MSRA: variants seen among roughly 807,000 people sequenced by gnomAD.
The protein encoded by MSRA is mitochondrial peptide methionine sulfoxide reductase.
Under a neutral mutation model 31.3 loss-of-function variants are expected in MSRA, and 54 were observed. The observed-to-expected ratio is 1.73, with a 90% CI of 1.39 to 2.17. The LOEUF (loss-of-function observed/expected upper bound fraction) is 2.17, where lower values mean the gene tolerates loss of function less well. Among genes scored for constraint, MSRA ranks in the 30% most tolerant of loss-of-function variants. The pLI is 0.00. For missense variants in MSRA, 507 were observed against 300.9 expected, an observed-to-expected ratio of 1.69 and a Z score of -5.07; for synonymous variants, 169 against 116.5, an observed-to-expected ratio of 1.45 and a Z score of -2.90.
intron 3 of MSRA, among the ~76,000 whole-genome samples, chr8:10,271,230 T>G (rs1235752747): frequency 6.6e-6 from 1 of 152,152 alleles, no homozygotes; most frequent in Non-Finnish European, 1.5e-5. Flanking sequence ...AGCATCCAGT[T>G]TACAGGAAGC....
At chr8:10,332,170 C>T (rs575420402) in intron 5 of MSRA, among the ~76,000 whole-genome samples, 1 of 152,300 alleles carries the variant, frequency 6.6e-6, no homozygotes, top group South Asian at 2.1e-4. Context: ...CATCCCTTCT[C>T]GGTCTGTTGT....
intron 5 of MSRA, among the ~76,000 whole-genome samples, chr8:10,359,211 C>A (rs1380123335): frequency 6.6e-6 from 1 of 152,198 alleles, no homozygotes; most frequent in Non-Finnish European, 1.5e-5. Flanking sequence ...GCAGACTCCT[C>A]TTCTCCATTG....
chr8:10,228,801 G>A (rs1329992232), intron 2 of MSRA, among the ~76,000 whole-genome samples: 1 of 152,100 alleles, frequency 6.6e-6, no homozygotes, highest in Non-Finnish European at 1.5e-5. Context: ...GGTTATCACC[G>A]GATTCCACAT....
intron 2 of MSRA, among the ~76,000 whole-genome samples, chr8:10,212,640 T>A (rs1410521074): frequency 6.6e-6 from 1 of 152,200 alleles, no homozygotes; most frequent in Non-Finnish European, 1.5e-5. Context: ...GTGAGGGAAT[T>A]GATCTGATTT....
intron 5 of MSRA, among the ~76,000 whole-genome samples, chr8:10,424,067 C>A (rs1408626690): frequency 6.6e-6 from 1 of 152,188 alleles, no homozygotes; most frequent in Non-Finnish European, 1.5e-5. Flanking sequence ...CGATGCCACG[C>A]GAACATAGTA....
chr8:10,426,447 GAGA>G (rs1232560101), intron 5 of MSRA, among the ~76,000 whole-genome samples: 1 of 152,240 alleles, frequency 6.6e-6, no homozygotes, highest in Non-Finnish European at 1.5e-5. Flanking sequence ...GGACTCTCTG[GAGA>G]GGGCCAGGAG....
At chr8:10,322,220 T>A (rs1802082193) in intron 5 of MSRA, among the ~76,000 whole-genome samples, 1 of 119,970 alleles carries the variant, frequency 8.3e-6, no homozygotes, top group South Asian at 3.4e-4. Context: ...GGAGACCCCA[T>A]TATCCCCATT....
intron 1 of MSRA, among the ~76,000 whole-genome samples, chr8:10,149,769 A>G (rs944658398): frequency 1.6e-5 from 1 of 63,358 alleles, no homozygotes; most frequent in Non-Finnish European, 3.7e-5. Flanking sequence ...CAGTTGGCAG[A>G]AACCACAAAG....
chr8:10,416,625 C>T (rs573135023), intron 5 of MSRA, among the ~76,000 whole-genome samples: 16 of 152,326 alleles, frequency 1.1e-4, no homozygotes, highest in African/African-American at 3.1e-4. Context: ...AAGCAGGTCC[C>T]GTGGGTGACC....
chr8:10,392,476 G>T (rs911464059), intron 5 of MSRA, among the ~76,000 whole-genome samples: 3 of 152,054 alleles, frequency 2.0e-5, no homozygotes, highest in African/African-American at 7.2e-5. Flanking sequence ...CCTCCAACCT[G>T]CTCCTGCCCA....
intron 5 of MSRA, among the ~76,000 whole-genome samples, chr8:10,339,456 T>A (rs1803268191): frequency 6.6e-6 from 1 of 151,818 alleles, no homozygotes; most frequent in Admixed American, 6.6e-5. Context: ...ATGAATTCAG[T>A]GTCTGTCCTG....
intron 5 of MSRA, among the ~76,000 whole-genome samples, chr8:10,360,464 A>T (rs1453241225): frequency 6.6e-6 from 1 of 152,168 alleles, no homozygotes; most frequent in Non-Finnish European, 1.5e-5. Context: ...CATTTAGTGC[A>T]TCTGTGTGAT....
At chr8:10,377,153 G>A (rs973716744) in intron 5 of MSRA, among the ~76,000 whole-genome samples, 3 of 152,258 alleles carry the variant, frequency 2.0e-5, no homozygotes, top group Admixed American at 1.3e-4. Context: ...TAATGATCGC[G>A]AGTTTTTCTT....
At chr8:10,349,675 G>A (rs941044910) in intron 5 of MSRA, among the ~76,000 whole-genome samples, 2 of 152,160 alleles carry the variant, frequency 1.3e-5, no homozygotes, top group African/African-American at 2.4e-5. Flanking sequence ...TGCCTAGTAC[G>A]GGGCCTGGCG....
At chr8:10,353,620 C>G (rs754933908) in intron 5 of MSRA, 1 of 456,156 alleles carries the variant, frequency 2.2e-6, no homozygotes. Flanking sequence ...CTTTAGGTAC[C>G]CAAGCATGTT....
intron 1 of MSRA, among the ~76,000 whole-genome samples, chr8:10,106,147 G>A (rs1420415415): frequency 1.3e-5 from 2 of 152,190 alleles, no homozygotes; most frequent in Non-Finnish European, 2.9e-5. Context: ...TAACAGCTGA[G>A]GGAAGAGTGG....
At chr8:10,082,605 A>C (rs1236477052) in intron 1 of MSRA, among the ~76,000 whole-genome samples, 1 of 152,116 alleles carries the variant, frequency 6.6e-6, no homozygotes, top group Non-Finnish European at 1.5e-5. Flanking sequence ...CAAAGATGGG[A>C]CTTTTTGAAC....
intron 3 of MSRA, among the ~76,000 whole-genome samples, chr8:10,287,835 C>T (rs36011439): frequency 3.9e-5 from 6 of 152,220 alleles, no homozygotes; most frequent in Admixed American, 1.3e-4. Flanking sequence ...TCTGTAAAGT[C>T]GTCCCTGCGT....
chr8:10,092,270 G>A (rs1798896299), intron 1 of MSRA, among the ~76,000 whole-genome samples: 1 of 151,826 alleles, frequency 6.6e-6, no homozygotes, highest in South Asian at 2.1e-4. Flanking sequence ...ATTGTGGTTG[G>A]AAAACACACT....
Sources: allele counts gnomAD v4.1 joint callset (sites outside exome capture counted in the v4.1 genomes callset), GRCh38; gene constraint gnomAD v4.1.1; transcripts MANE v1.5; gene names NCBI Gene and HGNC (gene_info 2026-07-23, HGNC 2026-07-21).